TATDN2: variants seen among roughly 807,000 people sequenced by gnomAD.
TATDN2 encodes 3'-5' RNA nuclease TATDN2.
TATDN2 carries 44 observed loss-of-function variants against 60.3 expected under a neutral mutation model. The observed-to-expected ratio is 0.73, with a 90% CI of 0.57 to 0.94. The LOEUF (loss-of-function observed/expected upper bound fraction) is 0.94, where lower values mean the gene tolerates loss of function less well. Among genes scored for constraint, TATDN2 ranks in the 40% least tolerant of loss-of-function variants. The pLI is 0.00. For missense variants in TATDN2, 997 were observed against 948.0 expected (o/e 1.05, Z -0.68); for synonymous variants, 399 against 355.8 (o/e 1.12, Z -1.37).
intron 3 of TATDN2, among the ~76,000 whole-genome samples, chr3:10,264,351 C>T (rs56127656): frequency 0.028 from 4,241 of 152,282 alleles, 186 homozygotes; most frequent in African/African-American, 0.095. Flanking sequence ...GCTTTCTAGC[C>T]TCCAGTGCGT....
chr3:10,263,055 C>T (rs1263775245), intron 3 of TATDN2, among the ~76,000 whole-genome samples: 4 of 152,130 alleles, frequency 2.6e-5, no homozygotes, highest in African/African-American at 9.7e-5. Context: ...CATGTGCCAC[C>T]ACACCCGGCT....
Position 10,249,206 on chromosome 3 carries a change from G to A in TATDN2, c.6G>A (p.Ala2=). 6.6e-7 allele frequency: 1 copy of A among 1,511,474 alleles called. No homozygotes were observed. The highest frequency in any genetic ancestry group is 8.9e-7 in the Non-Finnish European group (1 of 1,128,670). 93.6% of individuals were successfully genotyped at this position (1,511,474 alleles called of 1,614,324 possible). A position where few individuals can be genotyped will look rare whatever the true frequency, so the allele number is the denominator to read the frequency against. M[A]SERGKVKHNW... is the part of the protein sequence containing the mutation. ...CCTGTACCTTGCAGGTGCCCATGGC[G>A]TCCGAGCGGGGCAAGGTCAAGCACA... The change falls in exon 2 of 8, where the codon GCG becomes GCA. Residue 2 remains alanine (A), a synonymous_variant. Transcript: ENST00000448281.
At position 10,249,215 on chromosome 3, in the gene TATDN2, G is replaced by A. The variant is rs757856778; in HGVS notation, c.15G>A (p.Arg5=). The change falls in exon 2 of 8, where the codon CGG becomes CGA. Residue 5 remains arginine (R), a synonymous_variant. Coordinates refer to ENST00000448281, the MANE Select transcript of TATDN2 (RefSeq NM_014760.4). ...TGCAGGTGCCCATGGCGTCCGAGCG[G>A]GGCAAGGTCAAGCACAACTGGAGCA... The part of the protein sequence containing the change: MASE[R]GKVKHNWSST... 7.2e-6 allele frequency: 11 copies of A among 1,526,968 alleles called. No individual in the cohort carries two copies. The Middle Eastern group carries it at 5.3e-4, about 74-fold the overall frequency. The allele number at this position is 1,526,968 out of a possible 1,614,324, so 94.6% of individuals were successfully genotyped here.
In TATDN2 at chr3:10,270,188, G is replaced by A; in HGVS notation, c.1006G>A (p.Val336Ile). 6.2e-7 allele frequency: 1 copy of A among 1,613,024 alleles called. No homozygotes were observed. Among genetic ancestry groups the A allele is most frequent in the Non-Finnish European group, 8.5e-7 (1 of 1,179,634 alleles). ...HPSSGSDWSD[V>I]EEISTVRFSQ... ...CTCTTCTGGAAGTGACTGGTCTGATGTTGAGGAGATCTCCACAGTCAGATT... is the reference window on the plus strand; with the variant it reads ...CTCTTCTGGAAGTGACTGGTCTGATATTGAGGAGATCTCCACAGTCAGATT... Residue 336 changes from valine (V) to isoleucine (I), a missense_variant, in exon 4 of 8, where the codon GTT (valine) becomes ATT (isoleucine). By Grantham distance (29) the Val-to-Ile change is conservative. Coordinates refer to ENST00000448281, the MANE Select transcript of TATDN2 (RefSeq NM_014760.4).
intron 4 of TATDN2, among the ~76,000 whole-genome samples, chr3:10,271,721 T>C (rs1698568567): frequency 6.6e-6 from 1 of 152,204 alleles, no homozygotes; most frequent in Non-Finnish European, 1.5e-5. Context: ...TTTTTCTTTT[T>C]CTTTTTGGAG....
chr3:10,254,417 T>G (rs1300488615), intron 2 of TATDN2, among the ~76,000 whole-genome samples: 2 of 152,074 alleles, frequency 1.3e-5, no homozygotes, highest in Non-Finnish European at 2.9e-5. Context: ...CTGGAGTGCT[T>G]GGGGCACTGC....
chr3:10,254,648 C>T (rs763911019), intron 2 of TATDN2, among the ~76,000 whole-genome samples: 2 of 152,166 alleles, frequency 1.3e-5, no homozygotes, highest in African/African-American at 2.4e-5. Context: ...GCTCCTCTGG[C>T]ACGCTGCAGA....
At chr3:10,273,117 G>A (rs898980270) in intron 4 of TATDN2, among the ~76,000 whole-genome samples, 1 of 152,186 alleles carries the variant, frequency 6.6e-6, no homozygotes, top group African/African-American at 2.4e-5. Context: ...GATAGGCATA[G>A]GGGGATAAAC....
At chr3:10,276,607 G>A (rs75713914) in intron 5 of TATDN2, 119 bp downstream of exon 5, 22 of 1,190,494 alleles carry the variant, frequency 1.8e-5, no homozygotes, top group Non-Finnish European at 2.5e-5. Flanking sequence ...TTTTTTTTTC[G>A]AGACGGAATC....
At chr3:10,266,878 C>T (rs1046149205) in intron 3 of TATDN2, among the ~76,000 whole-genome samples, 1 of 150,284 alleles carries the variant, frequency 6.7e-6, no homozygotes, top group Admixed American at 6.6e-5. Flanking sequence ...AGTAGGTGCT[C>T]AATAAATGTA....
intron 4 of TATDN2, among the ~76,000 whole-genome samples, chr3:10,274,730 T>G (rs1397821339): frequency 6.6e-6 from 1 of 152,208 alleles, no homozygotes; most frequent in Non-Finnish European, 1.5e-5. Flanking sequence ...TTTTGATGTC[T>G]GTGGTCATTT....
At chr3:10,277,676 G>A (rs1224561064) in intron 5 of TATDN2, among the ~76,000 whole-genome samples, 1 of 152,134 alleles carries the variant, frequency 6.6e-6, no homozygotes, top group Non-Finnish European at 1.5e-5. Flanking sequence ...GGCTTTTCTG[G>A]GTCGGTTGGT....
At chr3:10,263,045 C>T (rs1698429183) in intron 3 of TATDN2, among the ~76,000 whole-genome samples, 1 of 152,126 alleles carries the variant, frequency 6.6e-6, no homozygotes, top group South Asian at 2.1e-4. Flanking sequence ...GGATTACAGG[C>T]ATGTGCCACC....
chr3:10,278,389 G>A lies in TATDN2; in HGVS notation c.2072G>A (p.Arg691Gln), dbSNP rs913405694. 15 of 1,614,078 alleles carry A rather than the reference G, an allele frequency of 9.3e-6. No individual in the cohort carries two copies. The highest frequency in any genetic ancestry group is 4.5e-5 in the East Asian group (2 of 44,900). ...VLTYSSAWEA[R>Q]EALRQIPLER... is the part of the protein sequence containing the mutation. Reference sequence around the variant, plus strand: ...ACATACTCCTCTGCCTGGGAGGCCCGGGAAGCCTTGAGGCAGATCCCACTG... The same window carrying A: ...ACATACTCCTCTGCCTGGGAGGCCCAGGAAGCCTTGAGGCAGATCCCACTG... The change falls in exon 6 of 8, where the codon CGG (arginine) becomes CAG (glutamine). Residue 691 changes from arginine to glutamine, a missense_variant. Transcript: ENST00000448281. This position sits in a 1 kb window ranked among gnomAD's most constrained non-coding sequence, Gnocchi z 4.7.
intron 3 of TATDN2, among the ~76,000 whole-genome samples, chr3:10,267,922 T>C (rs569151709): frequency 6.6e-6 from 1 of 152,356 alleles, no homozygotes; most frequent in Admixed American, 6.5e-5. Context: ...CACAAAAGCC[T>C]TGTCAAACTT....
Position 10,262,175 on chromosome 3 carries a change from C to T in TATDN2, c.948+1505C>T, listed in dbSNP as rs867854916. Reference sequence around the variant, plus strand: ...CTTTTTTTTCTCTCTTGGAGGTATACGTCCTCAGCCCTCTGTTGTCCTGCT... The same window carrying T: ...CTTTTTTTTCTCTCTTGGAGGTATATGTCCTCAGCCCTCTGTTGTCCTGCT... On this transcript the variant is annotated intron_variant, in intron 3 of 7. Coordinates refer to ENST00000448281, the MANE Select transcript of TATDN2 (RefSeq NM_014760.4). Among the ~76,000 whole-genome samples, 29 of 152,094 alleles carry T rather than the reference C, an allele frequency of 1.9e-4. 1 individual carries two copies. The highest frequency in any genetic ancestry group is 6.3e-4 in the African/African-American group (26 of 41,418).
Position 10,266,056 on chromosome 3 carries a change from A to G in TATDN2, c.949-4075A>G, listed in dbSNP as rs150387818. On this transcript the variant is annotated intron_variant, in intron 3 of 7. Coordinates refer to ENST00000448281, the MANE Select transcript of TATDN2 (RefSeq NM_014760.4). ...ATAATCATTAACCCATCTGTTTTCT[A>G]TGCTCTGTTATCTGTGAATAGCATC... Among the ~76,000 whole-genome samples the G allele has an allele frequency of 2.1e-3, 316 of 152,184 alleles. 1 individual carries two copies. Among genetic ancestry groups the G allele is most frequent in the Non-Finnish European group, 3.8e-3 (259 of 68,010 alleles).
intron 2 of TATDN2, among the ~76,000 whole-genome samples, chr3:10,257,597 C>CAAAAAAAAAA (rs1196293139): frequency 2.9e-5 from 2 of 69,182 alleles, no homozygotes; most frequent in East Asian, 2.6e-4. Flanking sequence ...CCACTGTCTC[C>CAAAAAAAAAA]AAAAAAAAAA....
chr3:10,251,473 C>T (rs531751892), intron 2 of TATDN2, among the ~76,000 whole-genome samples: 1 of 152,096 alleles, frequency 6.6e-6, no homozygotes, highest in African/African-American at 2.4e-5. Flanking sequence ...GCAGCCTCCA[C>T]CTCCTGGGTT....
Sources: gnomAD v4.1 joint callset for allele counts (sites outside exome capture counted in the v4.1 genomes callset) on GRCh38, gnomAD v4.1.1 for gene constraint, Gnocchi (gnomAD v3.1) non-coding constraint, MANE v1.5 for transcripts, NCBI Gene and HGNC (gene_info 2026-07-23, HGNC 2026-07-21) for gene names.